The following SMYD3 variants were observed in gnomAD, a reference collection of about 807,000 sequenced individuals.
SMYD3 encodes SET and MYND domain containing 3.
In SMYD3, 36 loss-of-function variants were observed where a neutral mutation model predicts 57.7. The ratio of observed to expected loss-of-function variants is 0.62; its 90% confidence interval spans 0.48 to 0.82. The LOEUF is 0.82. Ranked by LOEUF, SMYD3 falls within the 40% of genes least tolerant of loss-of-function variation. The pLI, the probability that SMYD3 is intolerant of heterozygous loss-of-function variation, is 0.00. For synonymous variants in SMYD3, 211 were observed against 195.0 expected (o/e 1.08, Z -0.68); for missense variants, 515 against 538.8 (o/e 0.96, Z 0.44).
In SMYD3 at chr1:245,749,663, G is replaced by T. The variant is rs762975145; in HGVS notation, c.1187C>A (p.Ala396Asp). The T allele has an allele frequency of 6.2e-7, 1 of 1,613,024 alleles. No homozygotes were observed. Among genetic ancestry groups the T allele is most frequent in the Non-Finnish European group, 8.5e-7 (1 of 1,179,048 alleles). ...ATGTGTCACTCTCATAATATCAAAA[G>T]CCTAAAGAGAAAGGACGGAAGAGAG... ...FPQAMKNLRL[A>D]FDIMRVTHGR... is the part of the protein sequence containing the mutation. The change falls in exon 12 of 12, where the codon GCT (alanine) becomes GAT (aspartate). Residue 396 changes from alanine to aspartate, a missense_variant and splice_region_variant. Transcript: ENST00000490107.
At chr1:246,225,970 A>T (rs910206707) in intron 5 of SMYD3, among the ~76,000 whole-genome samples, 6 of 152,202 alleles carry the variant, frequency 3.9e-5, no homozygotes, top group Non-Finnish European at 5.9e-5. Flanking sequence ...CCAATTTCCA[A>T]ATTATTTCCA....
intron 5 of SMYD3, among the ~76,000 whole-genome samples, chr1:246,119,843 A>G (rs551061818): frequency 5.9e-5 from 9 of 152,302 alleles, no homozygotes; most frequent in African/African-American, 2.2e-4. Flanking sequence ...CTATGTCTCT[A>G]TGTAGGAGAG....
In SMYD3 at chr1:246,220,118, C is replaced by T. The variant is rs564248463; in HGVS notation, c.531+107083G>A. On this transcript the variant is annotated intron_variant, in intron 5 of 11. Coordinates refer to ENST00000490107, the MANE Select transcript of SMYD3 (RefSeq NM_001167740.2). Reference sequence around the variant, plus strand: ...TTTTTGGCATTTACGTTCCTCTAAGCCCAGCCTTAAATTTAGATGATGAAA... The same window carrying T: ...TTTTTGGCATTTACGTTCCTCTAAGTCCAGCCTTAAATTTAGATGATGAAA... Among the ~76,000 whole-genome samples the T allele has an allele frequency of 2.6e-5, 4 of 152,238 alleles. No individual in the cohort carries two copies. The South Asian group carries it at 8.3e-4, about 32-fold the overall frequency.
At chr1:246,410,463 TG>T (rs911794919) in intron 1 of SMYD3, among the ~76,000 whole-genome samples, 34 of 152,266 alleles carry the variant, frequency 2.2e-4, no homozygotes, top group South Asian at 2.1e-4. Flanking sequence ...GTTTATATGC[TG>T]GACTACATTT....
chr1:245,806,380 GA>G (rs1267959468), intron 10 of SMYD3, among the ~76,000 whole-genome samples: 3 of 152,178 alleles, frequency 2.0e-5, no homozygotes, highest in Non-Finnish European at 2.9e-5. Context: ...ACAACGCTGT[GA>G]GGTAGGTACT....
chr1:245,913,280 C>T (rs1209825556), intron 8 of SMYD3, among the ~76,000 whole-genome samples: 4 of 150,772 alleles, frequency 2.7e-5, no homozygotes, highest in South Asian at 4.2e-4. Context: ...CCAAACACCA[C>T]ATGTTCTCAC....
At chr1:245,809,631 G>C (rs12065187) in intron 10 of SMYD3, among the ~76,000 whole-genome samples, 142 of 152,336 alleles carry the variant, frequency 9.3e-4, no homozygotes, top group African/African-American at 3.2e-3. Flanking sequence ...CCAAGTAAAG[G>C]CTGAAAGCTT....
At chr1:246,156,949 CAAT>C (rs2062031278) in intron 5 of SMYD3, among the ~76,000 whole-genome samples, 1 of 152,162 alleles carries the variant, frequency 6.6e-6, no homozygotes, top group African/African-American at 2.4e-5. Context: ...TTTGGATAAA[CAAT>C]CCAACGTAGG....
At chr1:246,259,858 A>G (rs527715782) in intron 5 of SMYD3, among the ~76,000 whole-genome samples, 13 of 152,352 alleles carry the variant, frequency 8.5e-5, no homozygotes, top group Non-Finnish European at 1.8e-4. Context: ...GCTCCTCAGT[A>G]TCAAGTTCTC....
chr1:246,296,894 TCA>T (rs892307561), intron 5 of SMYD3, among the ~76,000 whole-genome samples: 2 of 152,144 alleles, frequency 1.3e-5, no homozygotes, highest in African/African-American at 4.8e-5. Flanking sequence ...TTCTTAAAGA[TCA>T]CAGAGATTCT....
At chr1:245,958,306 T>G (rs567153739) in intron 5 of SMYD3, among the ~76,000 whole-genome samples, 2 of 152,310 alleles carry the variant, frequency 1.3e-5, no homozygotes, top group Admixed American at 6.5e-5. Flanking sequence ...TCATACACGA[T>G]GCAGACTGCT....
chr1:246,430,678 A>C (rs141488865), intron 1 of SMYD3, among the ~76,000 whole-genome samples: 1 of 152,186 alleles, frequency 6.6e-6, no homozygotes, highest in Non-Finnish European at 1.5e-5. Context: ...TAAGTATGGA[A>C]TCCACAGAAA....
At chr1:245,927,440 T>C (rs764599890) in intron 7 of SMYD3, among the ~76,000 whole-genome samples, 37 of 152,242 alleles carry the variant, frequency 2.4e-4, no homozygotes, top group Non-Finnish European at 5.3e-4. Flanking sequence ...AATGTCAGCC[T>C]GAGACAGTAT....
At chr1:246,234,096 C>T (rs2063473012) in intron 5 of SMYD3, among the ~76,000 whole-genome samples, 2 of 128,640 alleles carry the variant, frequency 1.6e-5, no homozygotes, top group African/African-American at 2.9e-5. Flanking sequence ...CTGTGATGAA[C>T]ATATACCACA....
chr1:246,136,249 A>G (rs1036250824), intron 5 of SMYD3, among the ~76,000 whole-genome samples: 3 of 152,282 alleles, frequency 2.0e-5, no homozygotes, highest in Non-Finnish European at 4.4e-5. Flanking sequence ...ATTATCCTAC[A>G]ATAACATAAA....
At chr1:246,088,245 CTCTCTCTCTCCCTCTCTCCTTCTT>C (rs1298987874) in intron 5 of SMYD3, among the ~76,000 whole-genome samples, 1 of 152,122 alleles carries the variant, frequency 6.6e-6, no homozygotes, top group East Asian at 1.9e-4. Context: ...CTCTCTTTCT[CTCTCTCTCTCCCTCTCTCCTTCTT>C]TCTCTTTCTT....
chr1:245,998,158 C>G (rs2058968809), intron 5 of SMYD3, among the ~76,000 whole-genome samples: 1 of 152,156 alleles, frequency 6.6e-6, no homozygotes, highest in African/African-American at 2.4e-5. Context: ...AGTGCTTCAT[C>G]AAAAGAAATA....
Position 246,308,317 on chromosome 1 carries a change from G to T in SMYD3, c.531+18884C>A, listed in dbSNP as rs1572362780. ...TGTTGAACTGAAATTTATTAAACTG[G>T]TTCTTTCTGACCTAAAAGAGCCAAG... On this transcript the variant is annotated intron_variant, in intron 5 of 11. Transcript: ENST00000490107. Among the ~76,000 whole-genome samples, 4 of 152,142 alleles carry T rather than the reference G, an allele frequency of 2.6e-5. No individual in the cohort carries two copies. The South Asian group carries it at 8.3e-4, about 32-fold the overall frequency.
intron 1 of SMYD3, among the ~76,000 whole-genome samples, chr1:246,390,575 A>T (rs931253392): frequency 6.6e-6 from 1 of 152,232 alleles, no homozygotes; most frequent in Admixed American, 6.5e-5. Context: ...CATAAATATA[A>T]GTCACATATA....
Sources: allele counts gnomAD v4.1 joint callset (sites outside exome capture counted in the v4.1 genomes callset), GRCh38; gene constraint gnomAD v4.1.1; transcripts MANE v1.5; gene names NCBI Gene and HGNC (gene_info 2026-07-23, HGNC 2026-07-21).